The following RSU1 variants were observed in gnomAD, a reference collection of about 807,000 sequenced individuals.
RSU1 encodes the protein rsu-1.
RSU1 carries 26 observed loss-of-function variants against 31.1 expected under a neutral mutation model. The ratio of observed to expected loss-of-function variants is 0.84; its 90% CI spans 0.61 to 1.16. RSU1 has a LOEUF of 1.16. RSU1 is among the 50% of genes most tolerant of loss of function. The probability of loss-of-function intolerance (pLI) is 0.00; values close to 1 mark genes in which losing one functional copy is unlikely to be tolerated. For synonymous variants in RSU1, 164 were observed against 136.3 expected (o/e 1.20, Z -1.41); for missense variants, 320 against 339.1 (o/e 0.94, Z 0.44).
intron 8 of RSU1, among the ~76,000 whole-genome samples, chr10:16,671,544 G>T (rs1214034200): frequency 6.6e-6 from 1 of 151,984 alleles, no homozygotes; most frequent in Non-Finnish European, 1.5e-5. Flanking sequence ...AATCTCCTGG[G>T]CTCAAGCGAT....
At chr10:16,646,979 AC>A (rs893754249) in intron 8 of RSU1, among the ~76,000 whole-genome samples, 1 of 149,046 alleles carries the variant, frequency 6.7e-6, no homozygotes, top group Non-Finnish European at 1.5e-5. Context: ...AGGTACTGCA[AC>A]TTTTTTTTTT....
intron 2 of RSU1, among the ~76,000 whole-genome samples, chr10:16,811,479 G>A (rs1188070158): frequency 6.6e-6 from 1 of 152,096 alleles, no homozygotes; most frequent in African/African-American, 2.4e-5. Flanking sequence ...GGCACCTGAG[G>A]CACAGAGAGG....
rs146291295 is a variant in RSU1, at chr10:16,664,233, C to T, written c.731+30790G>A. 5.7e-4 allele frequency among the ~76,000 whole-genome samples: 87 copies of T among 152,256 alleles called. No individual in the cohort carries two copies. In the East Asian group the frequency reaches 0.012, roughly 21 times the overall value. ...TTGAGGGAAATTACAGATCACTCCA[C>T]GGATATTCCATTTTCTGTACCCATA... On this transcript the variant is annotated intron_variant, in intron 8 of 8. Coordinates refer to ENST00000345264, the MANE Select transcript of RSU1 (RefSeq NM_012425.4).
intron 8 of RSU1, among the ~76,000 whole-genome samples, chr10:16,621,576 T>C (rs866727083): frequency 8.5e-5 from 13 of 152,286 alleles, no homozygotes; most frequent in South Asian, 6.2e-4. Context: ...AGAGGTTTAA[T>C]GAACTCACAG....
At chr10:16,800,716 T>C (rs1349047486) in intron 2 of RSU1, among the ~76,000 whole-genome samples, 3 of 152,234 alleles carry the variant, frequency 2.0e-5, no homozygotes, top group Non-Finnish European at 1.5e-5. Flanking sequence ...TTAAGTTACC[T>C]GCACTGGCTC....
intron 8 of RSU1, among the ~76,000 whole-genome samples, chr10:16,684,348 T>C (rs1344121150): frequency 6.6e-6 from 1 of 152,204 alleles, no homozygotes; most frequent in Non-Finnish European, 1.5e-5. Context: ...TTATGGTTAG[T>C]AGGGCATGAC....
At chr10:16,762,294 T>TTATATATATA (rs57480136) in intron 4 of RSU1, among the ~76,000 whole-genome samples, 6 of 149,780 alleles carry the variant, frequency 4.0e-5, no homozygotes, top group Non-Finnish European at 7.4e-5. Context: ...GATTGAGATT[T>TTATATATATA]TATATATATA....
rs117211945 is a variant in RSU1 at position 16,604,756 on chromosome 10, T to C, written c.732-11260A>G. ...GGGTCTGGCTGTGCTTCCCTGATGT[T>C]AGTGTCAACATGACTCAGTCTTAGG... On this transcript the variant is annotated intron_variant, in intron 8 of 8. Transcript: ENST00000345264. Among the ~76,000 whole-genome samples the C allele has an allele frequency of 2.0e-3, 299 of 152,274 alleles. 6 individuals are homozygous for C. The East Asian group carries it at 0.051, about 26-fold the overall frequency.
chr10:16,695,141 T>C lies in RSU1; in HGVS notation c.613A>G (p.Thr205Ala), dbSNP rs752633275. The C allele has an allele frequency of 1.4e-6, 2 of 1,380,736 alleles. No individual in the cohort carries two copies. Among genetic ancestry groups the C allele is most frequent in the Non-Finnish European group, 2.0e-6 (2 of 1,014,484 alleles). The allele number at this position is 1,380,736 out of a possible 1,614,324, so 85.5% of individuals were successfully genotyped here. Residue 205 changes from threonine (T) to alanine (A), a missense_variant, in exon 8 of 9, where the codon ACT (threonine) becomes GCT (alanine). Coordinates refer to ENST00000345264, the MANE Select transcript of RSU1 (RefSeq NM_012425.4). ...LPPELGNLDL[T>A]GQKQVFKAEN... Reference sequence around the variant, plus strand: ...GCTTTGAATACCTGCTTCTGGCCAGTTAAATCCAAGTTTCCTGGGGGGGGG... The same window carrying C: ...GCTTTGAATACCTGCTTCTGGCCAGCTAAATCCAAGTTTCCTGGGGGGGGG...
At chr10:16,616,561 A>G (rs1054570260) in intron 8 of RSU1, among the ~76,000 whole-genome samples, 2 of 152,156 alleles carry the variant, frequency 1.3e-5, no homozygotes, top group Non-Finnish European at 2.9e-5. Context: ...GAGACAACAA[A>G]AAAAGAAAAT....
intron 2 of RSU1, among the ~76,000 whole-genome samples, chr10:16,797,701 C>T (rs530475686): frequency 2.6e-5 from 4 of 151,290 alleles, no homozygotes; most frequent in African/African-American, 9.7e-5. Context: ...ATCTGATTTC[C>T]AAAAATTCAG....
In RSU1 at chr10:16,684,550, G is replaced by C. The variant is rs1835403263; in HGVS notation, c.731+10473C>G. Reference sequence around the variant, plus strand: ...TTGGACACAGAGACAGAGATACCTAGAGAGATGATGATGTGAAGCAGCACA... The same window carrying C: ...TTGGACACAGAGACAGAGATACCTACAGAGATGATGATGTGAAGCAGCACA... On this transcript the variant is annotated intron_variant, in intron 8 of 8. Transcript: ENST00000345264. Among the ~76,000 whole-genome samples, 3 of 152,248 alleles carry C rather than the reference G, an allele frequency of 2.0e-5. No homozygotes were observed. The South Asian group carries it at 6.2e-4, about 32-fold the overall frequency.
At chr10:16,752,139 A>C (rs1836992111) in intron 7 of RSU1, among the ~76,000 whole-genome samples, 1 of 152,198 alleles carries the variant, frequency 6.6e-6, no homozygotes, top group African/African-American at 2.4e-5. Flanking sequence ...AGGTCAATAA[A>C]AATTTAAGGG....
At chr10:16,744,796 G>A (rs190319556) in intron 7 of RSU1, among the ~76,000 whole-genome samples, 10 of 152,228 alleles carry the variant, frequency 6.6e-5, no homozygotes, top group East Asian at 3.9e-4. Context: ...GATGGACTGC[G>A]GGCATACTCT....
chr10:16,695,966 T>C (rs574916902), intron 7 of RSU1, among the ~76,000 whole-genome samples: 2 of 152,318 alleles, frequency 1.3e-5, no homozygotes, highest in Non-Finnish European at 2.9e-5. Flanking sequence ...ACCCCTCATC[T>C]GGATATCCTC....
chr10:16,797,542 A>C (rs143992071), intron 2 of RSU1, among the ~76,000 whole-genome samples: 1 of 152,330 alleles, frequency 6.6e-6, no homozygotes, highest in Non-Finnish European at 1.5e-5. Context: ...GAATAAAAGG[A>C]AAAAGAAAGT....
chr10:16,606,144 T>C (rs1833800664), intron 8 of RSU1, among the ~76,000 whole-genome samples: 1 of 152,204 alleles, frequency 6.6e-6, no homozygotes. Context: ...ATTGTCCTCT[T>C]GCGGACACTT....
At chr10:16,618,105 G>C (rs983228152) in intron 8 of RSU1, among the ~76,000 whole-genome samples, 4 of 152,182 alleles carry the variant, frequency 2.6e-5, no homozygotes, top group Admixed American at 6.5e-5. Flanking sequence ...CTATTATCTA[G>C]AATCTACAAG....
chr10:16,604,428 C>T (rs547988966), intron 8 of RSU1, among the ~76,000 whole-genome samples: 24 of 152,148 alleles, frequency 1.6e-4, no homozygotes, highest in South Asian at 2.1e-4. Context: ...GATGCCCTGG[C>T]GGGACTGTGT....
Sources: gnomAD v4.1 joint callset for allele counts (sites outside exome capture counted in the v4.1 genomes callset) on GRCh38, gnomAD v4.1.1 for gene constraint, MANE v1.5 for transcripts, NCBI Gene and HGNC (gene_info 2026-07-23, HGNC 2026-07-21) for gene names.